The following SDK1 variants were observed in gnomAD, a reference collection of about 807,000 sequenced individuals.
SDK1 encodes protein sidekick-1.
In SDK1, 157 loss-of-function variants were observed where a neutral mutation model predicts 245.5. The ratio of observed to expected loss-of-function variants is 0.64; its 90% CI spans 0.56 to 0.73. SDK1 has a LOEUF of 0.73. Among genes scored for constraint, SDK1 ranks in the 30% least tolerant of loss-of-function variants. SDK1 has a pLI of 0.00. For synonymous variants in SDK1, 1,647 were observed against 1,278.5 expected, an observed-to-expected ratio of 1.29 and a Z score of -6.15; for missense variants, 3,583 against 3,002.3, an observed-to-expected ratio of 1.19 and a Z score of -4.52.
rs114748766 is a variant in SDK1, at chr7:4,111,915, T to C, written c.3434+1143T>C. Among the ~76,000 whole-genome samples the C allele has an allele frequency of 3.4e-4, 52 of 152,342 alleles. 1 individual carries two copies. Among genetic ancestry groups the C allele is most frequent in the African/African-American group, 1.2e-3 (49 of 41,578 alleles). On this transcript the variant is annotated intron_variant, in intron 23 of 44. Coordinates refer to ENST00000404826, the MANE Select transcript of SDK1 (RefSeq NM_152744.4). The stretch of plus-strand genomic sequence containing the variant: ...ATTTTAGAGAACATTGAACTCCACC[T>C]TCATTTTATAGTTAAGGAAACGGAG...
At chr7:3,493,415 T>C (rs1310007291) in intron 1 of SDK1, among the ~76,000 whole-genome samples, 1 of 152,228 alleles carries the variant, frequency 6.6e-6, no homozygotes, top group Non-Finnish European at 1.5e-5. Context: ...TTTTAATGGA[T>C]GCTTATAGTT....
At chr7:3,941,798 G>T (rs1481874614) in intron 5 of SDK1, among the ~76,000 whole-genome samples, 1 of 152,064 alleles carries the variant, frequency 6.6e-6, no homozygotes, top group Non-Finnish European at 1.5e-5. Context: ...CCCAGCACCT[G>T]CCACCATGCT....
At chr7:3,414,329 C>A (rs899238810) in intron 1 of SDK1, among the ~76,000 whole-genome samples, 2 of 151,986 alleles carry the variant, frequency 1.3e-5, no homozygotes, top group Non-Finnish European at 2.9e-5. Context: ...GCCCAGCCCA[C>A]GGAGGAGGAG....
At chr7:3,657,989 G>C (rs994035939) in intron 4 of SDK1, among the ~76,000 whole-genome samples, 1 of 152,190 alleles carries the variant, frequency 6.6e-6, no homozygotes, top group African/African-American at 2.4e-5. Flanking sequence ...CTGCCCATGA[G>C]GGTGGTGAAA....
At chr7:3,455,592 C>G (rs1419192682) in intron 1 of SDK1, among the ~76,000 whole-genome samples, 1 of 152,072 alleles carries the variant, frequency 6.6e-6, no homozygotes, top group Non-Finnish European at 1.5e-5. Flanking sequence ...AGCTGGGCAT[C>G]TTACTGTGTG....
intron 17 of SDK1, among the ~76,000 whole-genome samples, chr7:4,017,986 T>C (rs1290883695): frequency 6.6e-6 from 1 of 152,172 alleles, no homozygotes; most frequent in African/African-American, 2.4e-5. Context: ...CGCTGTTTTC[T>C]GAAAGATTCA....
chr7:3,414,345 TG>T (rs1562472614), intron 1 of SDK1, among the ~76,000 whole-genome samples: 1 of 152,080 alleles, frequency 6.6e-6, no homozygotes, highest in Admixed American at 6.6e-5. Flanking sequence ...AGGAGAGTGC[TG>T]GGTTTTAGAA....
intron 1 of SDK1, among the ~76,000 whole-genome samples, chr7:3,323,627 G>A (rs998496416): frequency 3.3e-5 from 5 of 152,214 alleles, no homozygotes; most frequent in Non-Finnish European, 5.9e-5. Flanking sequence ...CTTCAAACCA[G>A]CAATGGTGTG....
chr7:3,335,332 A>G (rs745502559), intron 1 of SDK1, among the ~76,000 whole-genome samples: 37 of 152,164 alleles, frequency 2.4e-4, no homozygotes, highest in Admixed American at 1.2e-3. Context: ...TGGCTTACCA[A>G]GTTACTTCCA....
intron 1 of SDK1, among the ~76,000 whole-genome samples, chr7:3,443,878 T>A (rs989565403): frequency 6.6e-6 from 1 of 152,240 alleles, no homozygotes; most frequent in Non-Finnish European, 1.5e-5. Context: ...CAAGTTCAGC[T>A]AAACCACAGC....
At chr7:4,067,227 A>C (rs1000617006) in intron 19 of SDK1, among the ~76,000 whole-genome samples, 1 of 152,166 alleles carries the variant, frequency 6.6e-6, no homozygotes, top group African/African-American at 2.4e-5. Flanking sequence ...TTCAAGCGTA[A>C]CTCTGCGGCT....
rs114619323 is a variant in SDK1 at position 3,851,348 on chromosome 7, A to G, written c.847+29765A>G. Among the ~76,000 whole-genome samples the G allele has an allele frequency of 3.7e-3, 568 of 152,284 alleles. 4 individuals are homozygous for G. Among genetic ancestry groups the G allele is most frequent in the African/African-American group, 0.013 (554 of 41,566 alleles). ...CTATTTTCATATTTCTTAGAAACTAATATTTAATTTCCTTTTTATGTTAAT... is the reference window on the plus strand; with the variant it reads ...CTATTTTCATATTTCTTAGAAACTAGTATTTAATTTCCTTTTTATGTTAAT... On this transcript the variant is annotated intron_variant, in intron 5 of 44. Coordinates refer to ENST00000404826, the MANE Select transcript of SDK1 (RefSeq NM_152744.4).
At chr7:3,629,018 C>A (rs904683708) in intron 2 of SDK1, among the ~76,000 whole-genome samples, 1 of 151,944 alleles carries the variant, frequency 6.6e-6, no homozygotes, top group Non-Finnish European at 1.5e-5. Context: ...ACAGGCCAAG[C>A]GCAGTGGCTC....
At chr7:3,730,077 G>A (rs1475215356) in intron 4 of SDK1, among the ~76,000 whole-genome samples, 2 of 151,992 alleles carry the variant, frequency 1.3e-5, no homozygotes, top group African/African-American at 2.4e-5. Context: ...TGGATTTGAT[G>A]GCCCCTAGCA....
intron 1 of SDK1, among the ~76,000 whole-genome samples, chr7:3,305,595 T>C (rs1779395821): frequency 6.6e-6 from 1 of 152,208 alleles, no homozygotes. Context: ...CTACTCCCTT[T>C]ACAACTTTGT....
intron 1 of SDK1, among the ~76,000 whole-genome samples, chr7:3,541,697 C>A (rs1389291600): frequency 6.6e-6 from 1 of 152,134 alleles, no homozygotes; most frequent in Non-Finnish European, 1.5e-5. Flanking sequence ...TGCATCTAGG[C>A]ATGTATCTGA....
chr7:3,614,543 T>C (rs1781707989), intron 1 of SDK1, among the ~76,000 whole-genome samples: 1 of 152,264 alleles, frequency 6.6e-6, no homozygotes, highest in African/African-American at 2.4e-5. Context: ...ATTTAAAGTA[T>C]GTAAAGATCA....
chr7:3,479,710 A>C (rs1225338948), intron 1 of SDK1, among the ~76,000 whole-genome samples: 1 of 151,808 alleles, frequency 6.6e-6, no homozygotes, highest in East Asian at 1.9e-4. Context: ...AAAAATACAA[A>C]ATTTAGCTGG....
chr7:3,536,714 AAAAC>A (rs1271572478), intron 1 of SDK1, among the ~76,000 whole-genome samples: 1 of 152,032 alleles, frequency 6.6e-6, no homozygotes, highest in Non-Finnish European at 1.5e-5. Context: ...ACAAAAACAA[AAAAC>A]AAACCTATGC....
Sources: gnomAD v4.1 joint callset for allele counts (sites outside exome capture counted in the v4.1 genomes callset) on GRCh38, gnomAD v4.1.1 for gene constraint, MANE v1.5 for transcripts, NCBI Gene and HGNC (gene_info 2026-07-23, HGNC 2026-07-21) for gene names.